SCFD2: variants seen among roughly 807,000 people sequenced by gnomAD.
The protein encoded by SCFD2 is sec1 family domain containing 2.
Under a neutral mutation model 58.9 loss-of-function variants are expected in SCFD2, and 54 were observed. The ratio of observed to expected loss-of-function variants is 0.92; its 90% CI spans 0.74 to 1.15. SCFD2 has a LOEUF of 1.15. SCFD2 is among the 50% of genes most tolerant of loss of function. The pLI is 0.00. For synonymous variants in SCFD2, 321 were observed against 335.9 expected (o/e 0.96, Z 0.49); for missense variants, 805 against 836.6 (o/e 0.96, Z 0.47).
intron 4 of SCFD2, among the ~76,000 whole-genome samples, chr4:53,255,146 C>G (rs1416543920): frequency 6.6e-6 from 1 of 151,282 alleles, no homozygotes; most frequent in East Asian, 1.9e-4. Flanking sequence ...GCTGGGATTA[C>G]AGGTGTGAGC....
At chr4:52,917,030 T>C (rs1719626597) in intron 6 of SCFD2, among the ~76,000 whole-genome samples, 2 of 152,188 alleles carry the variant, frequency 1.3e-5, no homozygotes. Flanking sequence ...CCCTAGTAGC[T>C]GGGATTACAG....
intron 5 of SCFD2, among the ~76,000 whole-genome samples, chr4:53,014,012 G>A (rs1380627027): frequency 6.6e-6 from 1 of 152,210 alleles, no homozygotes. Flanking sequence ...ACTAATTTGA[G>A]TTAACTCATC....
At chr4:53,143,245 A>C (rs1311441867) in intron 5 of SCFD2, among the ~76,000 whole-genome samples, 2 of 152,234 alleles carry the variant, frequency 1.3e-5, no homozygotes, top group African/African-American at 4.8e-5. Flanking sequence ...TGTTTAAAAA[A>C]GCTATCCAAA....
intron 2 of SCFD2, among the ~76,000 whole-genome samples, chr4:53,316,716 C>T (rs1251270077): frequency 2.0e-5 from 3 of 152,132 alleles, no homozygotes; most frequent in Non-Finnish European, 4.4e-5. Flanking sequence ...CTATCTGGCT[C>T]TTGTCTATTA....
rs1298890827 is a variant in SCFD2 at position 52,885,858 on chromosome 4, C to G, written c.1851G>C (p.Arg617=). The change falls in exon 8 of 9, where the codon CGG becomes CGC. Residue 617 remains arginine, a synonymous_variant. Coordinates refer to ENST00000401642, the MANE Select transcript of SCFD2 (RefSeq NM_152540.4). Reference sequence around the variant, plus strand: ...GGAGGGGGTAGTCACTAGGATGAGGCCGGCTCACCTGCAAAACAAAACACC... The same window carrying G: ...GGAGGGGGTAGTCACTAGGATGAGGGCGGCTCACCTGCAAAACAAAACACC... ...TGFSMFMKVS[R]PHPSDYPLLI... The G allele has an allele frequency of 6.2e-7, 1 of 1,614,036 alleles. No individual in the cohort carries two copies. Among genetic ancestry groups the G allele is most frequent in the Non-Finnish European group, 8.5e-7 (1 of 1,179,934 alleles).
rs575888840 is a variant in SCFD2 at position 53,253,930 on chromosome 4, A to G, written c.1311+19896T>C. 4.0e-5 allele frequency among the ~76,000 whole-genome samples: 6 copies of G among 151,472 alleles called. No individual in the cohort carries two copies. The South Asian group carries it at 8.4e-4, about 21-fold the overall frequency. Reference sequence around the variant, plus strand: ...AATAACAAAGTCAAAAAAAAAAATCATGTCCTTTGCAGGAACATGGATGGA... The same window carrying G: ...AATAACAAAGTCAAAAAAAAAAATCGTGTCCTTTGCAGGAACATGGATGGA... On this transcript the variant is annotated intron_variant, in intron 4 of 8. Transcript: ENST00000401642.
intron 5 of SCFD2, among the ~76,000 whole-genome samples, chr4:53,052,164 T>C (rs767164087): frequency 1.2e-4 from 18 of 151,754 alleles, no homozygotes; most frequent in Non-Finnish European, 2.2e-4. Flanking sequence ...CATGATTAGG[T>C]CACTACCCAC....
chr4:53,064,182 T>C (rs1276181514), intron 5 of SCFD2, among the ~76,000 whole-genome samples: 1 of 152,070 alleles, frequency 6.6e-6, no homozygotes, highest in Non-Finnish European at 1.5e-5. Flanking sequence ...CATGGGTATG[T>C]TGCATGATGC....
intron 3 of SCFD2, among the ~76,000 whole-genome samples, chr4:53,279,926 A>G (rs1731454143): frequency 6.6e-6 from 1 of 152,192 alleles, no homozygotes; most frequent in Admixed American, 6.5e-5. Flanking sequence ...TGCCCCCATG[A>G]TACAATTACC....
intron 5 of SCFD2, among the ~76,000 whole-genome samples, chr4:52,976,112 G>A (rs1187455996): frequency 4.6e-5 from 7 of 151,888 alleles, no homozygotes; most frequent in Admixed American, 1.3e-4. Context: ...AACATGGCAC[G>A]TGTATGCATA....
intron 5 of SCFD2, among the ~76,000 whole-genome samples, chr4:53,144,696 A>C (rs1289668722): frequency 6.6e-6 from 1 of 152,018 alleles, no homozygotes; most frequent in Admixed American, 6.6e-5. Context: ...AATAGGATGT[A>C]CTACATTTTA....
chr4:52,972,479 T>C (rs1172285125), intron 5 of SCFD2, among the ~76,000 whole-genome samples: 1 of 152,170 alleles, frequency 6.6e-6, no homozygotes, highest in African/African-American at 2.4e-5. Flanking sequence ...ATCCTAAATA[T>C]ATATGCACCC....
At chr4:53,269,998 C>T (rs1389795439) in intron 4 of SCFD2, among the ~76,000 whole-genome samples, 2 of 152,158 alleles carry the variant, frequency 1.3e-5, no homozygotes, top group Non-Finnish European at 2.9e-5. Context: ...TGCACTCCAA[C>T]CTGGGTGACA....
intron 4 of SCFD2, among the ~76,000 whole-genome samples, chr4:53,178,179 C>T (rs1727407311): frequency 6.6e-6 from 1 of 151,962 alleles, no homozygotes; most frequent in Admixed American, 6.6e-5. Flanking sequence ...CCCGTCATGC[C>T]TGAGAACAGG....
At chr4:53,313,535 T>A in intron 3 of SCFD2, 101 bp downstream of exon 3, 2 of 1,372,814 alleles carry the variant, frequency 1.5e-6, no homozygotes, top group Non-Finnish European at 2.1e-6. Context: ...AAGTCGTTAC[T>A]ACTTTGGCCT....
At chr4:53,180,489 C>T (rs1303162539) in intron 4 of SCFD2, among the ~76,000 whole-genome samples, 10 of 152,026 alleles carry the variant, frequency 6.6e-5, no homozygotes, top group African/African-American at 1.9e-4. Context: ...ATCTCTGGGA[C>T]ACATTCAAAG....
chr4:52,998,064 A>T (rs1245438769), intron 5 of SCFD2, among the ~76,000 whole-genome samples: 1 of 152,196 alleles, frequency 6.6e-6, no homozygotes, highest in Non-Finnish European at 1.5e-5. Flanking sequence ...CATTTTACAG[A>T]TGGTTAAGTT....
At chr4:53,293,982 T>TTGG (rs1731935192) in intron 3 of SCFD2, among the ~76,000 whole-genome samples, 1 of 151,616 alleles carries the variant, frequency 6.6e-6, no homozygotes, top group Non-Finnish European at 1.5e-5. Context: ...CATGCAATGT[T>TTGG]TGGTTTTCTG....
intron 5 of SCFD2, among the ~76,000 whole-genome samples, chr4:52,954,135 G>T (rs1720659973): frequency 6.6e-6 from 1 of 152,218 alleles, no homozygotes; most frequent in African/African-American, 2.4e-5. Context: ...ATCTAAGCAT[G>T]AGCTGCTCCC....
Sources: gnomAD v4.1 joint callset for allele counts (sites outside exome capture counted in the v4.1 genomes callset) on GRCh38, gnomAD v4.1.1 for gene constraint, MANE v1.5 for transcripts, NCBI Gene and HGNC (gene_info 2026-07-23, HGNC 2026-07-21) for gene names.